The following USP6 variants were observed in gnomAD, a reference collection of about 807,000 sequenced individuals.
USP6 encodes the protein ubiquitin specific peptidase 6.
A neutral mutation model predicts 175.7 loss-of-function variants in USP6; 128 were observed. The observed-to-expected ratio is 0.73, with a 90% confidence interval of 0.63 to 0.84. The LOEUF is 0.84. Among genes scored for constraint, USP6 ranks in the 40% least tolerant of loss-of-function variants. The pLI, the probability that USP6 is intolerant of heterozygous loss-of-function variation, is 0.00. For missense variants in USP6, 1,498 were observed against 1,760.3 expected (o/e 0.85, Z 2.67); for synonymous variants, 562 against 630.6 (o/e 0.89, Z 1.63).
At chr17:5,142,262 T>C in intron 24 of USP6, 121 bp downstream of exon 24, 1 of 1,535,534 alleles carries the variant, frequency 6.5e-7, no homozygotes, top group Non-Finnish European at 8.8e-7. Context: ...CCCTATTTAA[T>C]ATGAAATAGG....
At chr17:5,164,447 G>T (rs2074062089) in intron 33 of USP6, among the ~76,000 whole-genome samples, 1 of 152,176 alleles carries the variant, frequency 6.6e-6, no homozygotes, top group Non-Finnish European at 1.5e-5. Flanking sequence ...CGAGTTGATA[G>T]ATTCATAAAT....
In USP6 at chr17:5,132,421, G is replaced by T. The variant is rs1274969497; in HGVS notation, c.181G>T (p.Ala61Ser). The T allele has an allele frequency of 1.9e-6, 3 of 1,612,128 alleles. No individual in the cohort carries two copies. Among genetic ancestry groups the T allele is most frequent in the South Asian group, 2.2e-5 (2 of 90,992 alleles). Residue 61 changes from alanine to serine, a missense_variant, in exon 12 of 38, where the codon GCA becomes TCA. By Grantham distance (99) the Ala-to-Ser change is moderately conservative. Coordinates refer to ENST00000574788, the MANE Select transcript of USP6 (RefSeq NM_001304284.2). This position sits in a 1 kb window ranked among gnomAD's most constrained non-coding sequence, Gnocchi z 4.7. ...TGAGACGGAGCTGCCTCCTGTGACT[G>T]CACGGGAGGCGAAGGTAAGAGCCTG... ...LHETELPPVT[A>S]REAKKIRREM...
intron 4 of USP6, among the ~76,000 whole-genome samples, chr17:5,122,764 C>A (rs1456406703): frequency 6.6e-6 from 1 of 152,258 alleles, no homozygotes; most frequent in Non-Finnish European, 1.5e-5. Context: ...CCCAAACTTC[C>A]CACCTCTCAG....
intron 32 of USP6, among the ~76,000 whole-genome samples, chr17:5,162,352 A>G (rs1567810174): frequency 6.6e-6 from 1 of 152,030 alleles, no homozygotes; most frequent in African/African-American, 2.4e-5. Context: ...GGGTTTTGCC[A>G]TGTTAAACTG....
chr17:5,173,388 C>T lies in USP6; in HGVS notation c.*410C>T, dbSNP rs888498650. ...AATGTTGTCTAGGGACGACATGATACGCTACCTCCTTTTTCCTGAAGTTTT... is the reference window on the plus strand; with the variant it reads ...AATGTTGTCTAGGGACGACATGATATGCTACCTCCTTTTTCCTGAAGTTTT... On this transcript the variant is annotated 3_prime_UTR_variant, in exon 38 of 38. Transcript: ENST00000574788. The T allele has an allele frequency of 7.4e-5, 17 of 228,642 alleles. No homozygotes were observed. Among genetic ancestry groups the T allele is most frequent in the Admixed American group, 4.5e-4 (8 of 17,694 alleles). 14.2% of individuals were successfully genotyped at this position (228,642 alleles called of 1,614,324 possible). A position where few individuals can be genotyped will look rare whatever the true frequency, so the allele number is the denominator to read the frequency against.
chr17:5,117,707 A>G (rs1307406224), intron 1 of USP6, among the ~76,000 whole-genome samples: 3 of 152,152 alleles, frequency 2.0e-5, no homozygotes, highest in African/African-American at 7.2e-5. Flanking sequence ...GCTGCCCTGT[A>G]GAGAAGCGTT....
At chr17:5,140,584 T>A (rs971910823) in intron 22 of USP6, among the ~76,000 whole-genome samples, 3 of 152,112 alleles carry the variant, frequency 2.0e-5, no homozygotes, top group African/African-American at 7.2e-5. Flanking sequence ...TAAAAAAAAT[T>A]AAGAAATGTA....
chr17:5,132,569 G>C lies in USP6; in HGVS notation c.195+134G>C. 1 of 1,512,938 alleles carries C rather than the reference G, an allele frequency of 6.6e-7. No homozygotes were observed. Among genetic ancestry groups the C allele is most frequent in the Non-Finnish European group, 9.2e-7 (1 of 1,090,326 alleles). The allele number at this position is 1,512,938 out of a possible 1,614,324, so 93.7% of individuals were successfully genotyped here. The stretch of plus-strand genomic sequence containing the variant: ...CGCTGTCACTGGGAGGGGCAGCAGA[G>C]ACCTGACCCCAAGTTGCTGTAACTT... On this transcript the variant is annotated intron_variant, in intron 12 of 37. Transcript: ENST00000574788. This position sits in a 1 kb window ranked among gnomAD's most constrained non-coding sequence, Gnocchi z 4.7.
Position 5,132,895 on chromosome 17 carries a change from T to A in USP6, c.196-15T>A. 1.2e-6 allele frequency: 2 copies of A among 1,614,094 alleles called. No homozygotes were observed. Among genetic ancestry groups the A allele is most frequent in the Non-Finnish European group, 1.7e-6 (2 of 1,179,962 alleles). ...CCTGGCAGCTCCACTAACTCCAACA[T>A]GCCTCATTTGACAGAAAATTCGGCG... On this transcript the variant is annotated splice_polypyrimidine_tract_variant and intron_variant, in intron 12 of 37. Transcript: ENST00000574788. This position sits in a 1 kb window ranked among gnomAD's most constrained non-coding sequence, Gnocchi z 4.7.
Position 5,139,637 on chromosome 17 carries a change from G to C in USP6, c.1461G>C (p.Gln487His). ...CWVRAISQED[Q>H]LATCWQAEHC... Reference sequence around the variant, plus strand: ...TCCGTGCCATATCCCAGGAGGACCAGCTGGCCACCTGCTGGCAGGCTGAAC... The same window carrying C: ...TCCGTGCCATATCCCAGGAGGACCACCTGGCCACCTGCTGGCAGGCTGAAC... Residue 487 changes from glutamine to histidine, a missense_variant, in exon 22 of 38, where the codon CAG becomes CAC. Physicochemically the swap from Gln to His is conservative, Grantham distance 24. Coordinates refer to ENST00000574788, the MANE Select transcript of USP6 (RefSeq NM_001304284.2). 6.2e-7 allele frequency: 1 copy of C among 1,612,548 alleles called. No individual in the cohort carries two copies. The highest frequency in any genetic ancestry group is 1.1e-5 in the South Asian group (1 of 91,062).
In USP6 at chr17:5,139,638, C is replaced by T. The variant is rs138189555; in HGVS notation, c.1462C>T (p.Leu488=). 55 of 1,612,398 alleles carry T rather than the reference C, an allele frequency of 3.4e-5. No individual in the cohort carries two copies. The African/African-American group carries it at 6.5e-4, about 19-fold the overall frequency. Residue 488 remains leucine (L), a synonymous_variant, in exon 22 of 38, where the codon CTG becomes TTG. Transcript: ENST00000574788. ...CCGTGCCATATCCCAGGAGGACCAGCTGGCCACCTGCTGGCAGGCTGAACA... is the reference window on the plus strand; with the variant it reads ...CCGTGCCATATCCCAGGAGGACCAGTTGGCCACCTGCTGGCAGGCTGAACA... ...WVRAISQEDQ[L]ATCWQAEHCG...
intron 30 of USP6, among the ~76,000 whole-genome samples, chr17:5,152,234 T>A (rs1293986931): frequency 7.0e-6 from 1 of 142,244 alleles, no homozygotes; most frequent in African/African-American, 2.7e-5. Flanking sequence ...AGAGCGAGAC[T>A]CCGTCTCAAA....
chr17:5,169,405 G>A (rs1308135559), intron 35 of USP6, among the ~76,000 whole-genome samples: 1 of 152,112 alleles, frequency 6.6e-6, no homozygotes, highest in Non-Finnish European at 1.5e-5. Context: ...AGGGGGTCTA[G>A]AGGATCAAAA....
rs553929881 is a variant in USP6, at chr17:5,130,102, T to G, written c.-2+13T>G. 1.7e-5 allele frequency: 8 copies of G among 476,250 alleles called. No homozygotes were observed. Among genetic ancestry groups the G allele is most frequent in the South Asian group, 1.3e-4 (6 of 45,514 alleles). 29.5% of individuals were successfully genotyped at this position (476,250 alleles called of 1,614,324 possible). On this transcript the variant is annotated intron_variant, in intron 9 of 37. Coordinates refer to ENST00000574788, the MANE Select transcript of USP6 (RefSeq NM_001304284.2). Reference sequence around the variant, plus strand: ...CCTGCCGGGGCAGGTGTGTGCCCATTTCATGGCATATGGGGACAACCGGAT... The same window carrying G: ...CCTGCCGGGGCAGGTGTGTGCCCATGTCATGGCATATGGGGACAACCGGAT...
intron 25 of USP6, 145 bp downstream of exon 25, chr17:5,142,647 T>A: frequency 7.5e-7 from 1 of 1,335,990 alleles, no homozygotes. Context: ...GCCAAATTCT[T>A]TTGCTTGTTT....
intron 37 of USP6, among the ~76,000 whole-genome samples, chr17:5,171,887 C>T (rs1469528540): frequency 1.3e-5 from 2 of 152,122 alleles, no homozygotes; most frequent in South Asian, 2.1e-4. Context: ...GTTAGTTGAC[C>T]GGGCGCAGTG....
intron 24 of USP6, 91 bp from the exon 25 acceptor site, chr17:5,142,306 G>C: frequency 1.3e-6 from 2 of 1,545,524 alleles, no homozygotes; most frequent in Middle Eastern, 1.9e-4. Context: ...AAAAAGAAAA[G>C]ATATTTTGAT....
chr17:5,156,478 G>GT (rs5819015), intron 31 of USP6, among the ~76,000 whole-genome samples: 18,343 of 151,306 alleles, frequency 0.12, 1,719 homozygotes, highest in African/African-American at 0.26. Context: ...GGCTAATTTT[G>GT]TTTTTTTGGT....
At chr17:5,146,527 C>G (rs1030698897) in intron 28 of USP6, among the ~76,000 whole-genome samples, 9 of 152,114 alleles carry the variant, frequency 5.9e-5, no homozygotes, top group African/African-American at 1.9e-4. Flanking sequence ...ACCACTGTTA[C>G]TAGAATTCTT....
Sources: allele counts gnomAD v4.1 joint callset (sites outside exome capture counted in the v4.1 genomes callset), GRCh38; gene constraint gnomAD v4.1.1; non-coding constraint Gnocchi (gnomAD v3.1); transcripts MANE v1.5; gene names NCBI Gene and HGNC (gene_info 2026-07-23, HGNC 2026-07-21).